CHD9: variants seen among roughly 807,000 people sequenced by gnomAD.
CHD9 encodes the protein ATP-dependent chromatin remodeler CHD9.
A neutral mutation model predicts 316.1 loss-of-function variants in CHD9; 77 were observed. The observed-to-expected ratio is 0.24, with a 90% confidence interval of 0.20 to 0.29. CHD9 has a LOEUF of 0.29. Among genes scored for constraint, CHD9 ranks in the 10% least tolerant of loss-of-function variants. CHD9 has a pLI of 1.00. For missense variants in CHD9, 2,763 were observed against 3,438.1 expected, an observed-to-expected ratio of 0.80 and a Z score of 4.91; for synonymous variants, 1,129 against 1,158.3, an observed-to-expected ratio of 0.97 and a Z score of 0.51.
At chr16:53,138,149 A>C (rs2152699856) in intron 1 of CHD9, among the ~76,000 whole-genome samples, 1 of 152,338 alleles carries the variant, frequency 6.6e-6, no homozygotes, top group East Asian at 1.9e-4. Context: ...TAGAGACTTA[A>C]GCTATTACTT....
chr16:53,242,872 A>G lies in CHD9; in HGVS notation c.2910A>G (p.Gln970=), dbSNP rs1236592561. 5.6e-6 allele frequency: 9 copies of G among 1,613,580 alleles called. No individual in the cohort carries two copies. The South Asian group carries it at 7.7e-5, about 14-fold the overall frequency. The change falls in exon 13 of 39, where the codon CAA becomes CAG. Residue 970 remains glutamine (Q), a synonymous_variant. Transcript: ENST00000447540. ...TCATTCGAGGAGCTTACAGATTCCA[A>G]GCCATCATCACCACTTTTGAAATGA... ...GRIIRGAYRF[Q]AIITTFEMIL...
At chr16:53,300,404 C>T (rs11865052) in intron 30 of CHD9, among the ~76,000 whole-genome samples, 47,210 of 148,554 alleles carry the variant, frequency 0.32, 7,496 homozygotes, top group Middle Eastern at 0.39. Context: ...CTGCTTCCAA[C>T]TGATGGATAC....
At chr16:53,091,806 T>C (rs2035966579) in intron 1 of CHD9, among the ~76,000 whole-genome samples, 2 of 152,092 alleles carry the variant, frequency 1.3e-5, no homozygotes, top group African/African-American at 4.8e-5. Context: ...CCATTTTCCC[T>C]CTCTCCTTCC....
At chr16:53,208,312 C>G (rs2152866702) in intron 2 of CHD9, 1 of 1,279,892 alleles carries the variant, frequency 7.8e-7, no homozygotes, top group Non-Finnish European at 1.0e-6. Flanking sequence ...TTGTCTGACG[C>G]CAAAAATGTC....
chr16:53,227,460 A>T lies in CHD9; in HGVS notation c.2108A>T (p.Lys703Met), dbSNP rs768590380. Reference protein sequence around the residue: ...DKILSSRTVKKEISPGVMIDT... With the variant: ...DKILSSRTVKMEISPGVMIDT... ...ATTCTATCTTCTAGAACCGTAAAAA[A>T]GGAAGTAAGTACTGGTACATTACAT... is the stretch of plus-strand genomic sequence containing the variant. Residue 703 changes from lysine to methionine, a missense_variant, in exon 6 of 39, where the codon AAG (lysine) becomes ATG (methionine). By Grantham distance (95) the Lys-to-Met change is moderately conservative. Coordinates refer to ENST00000447540, the MANE Select transcript of CHD9 (RefSeq NM_001308319.2). The T allele has an allele frequency of 7.7e-6, 12 of 1,554,688 alleles. No individual in the cohort carries two copies. The South Asian group carries it at 1.2e-4, about 16-fold the overall frequency.
chr16:53,175,514 CCTATTA>C (rs1048335633), intron 2 of CHD9, among the ~76,000 whole-genome samples: 2 of 152,092 alleles, frequency 1.3e-5, no homozygotes, highest in Non-Finnish European at 1.5e-5. Flanking sequence ...AAATCTGGTC[CCTATTA>C]CTCCATCTTG....
At chr16:53,227,338 G>A (rs919667766) in intron 5 of CHD9, 58 bp from the exon 6 acceptor site, 20 of 1,080,198 alleles carry the variant, frequency 1.9e-5, no homozygotes, top group Non-Finnish European at 2.6e-5. Flanking sequence ...ATACAAAGTG[G>A]CAACTAAAAG....
Position 53,263,084 on chromosome 16 carries a change from C to T in CHD9, c.4307C>T (p.Ala1436Val), listed in dbSNP as rs776921609. Residue 1436 changes from alanine to valine, a missense_variant, in exon 20 of 39, where the codon GCC becomes GTC. By Grantham distance (64) the Ala-to-Val change is moderately conservative. Around this residue, in one of 15 missense-constraint regions of CHD9, gnomAD observed 199 missense variants for 251.7 expected, o/e 0.79. Transcript: ENST00000447540. The part of the protein sequence containing the change: ...WAKKAEIDIE[A>V]ISGRNSLVID... Reference sequence around the variant, plus strand: ...AAAAAGGCAGAAATAGATATAGAGGCCATCAGTGGCAGAGTAAGTATTTTT... The same window carrying T: ...AAAAAGGCAGAAATAGATATAGAGGTCATCAGTGGCAGAGTAAGTATTTTT... 2 of 1,609,500 alleles carry T rather than the reference C, an allele frequency of 1.2e-6. No homozygotes were observed. Among genetic ancestry groups the T allele is most frequent in the African/African-American group, 1.3e-5 (1 of 74,762 alleles).
intron 3 of CHD9, among the ~76,000 whole-genome samples, chr16:53,212,595 A>G (rs567668642): frequency 1.4e-4 from 21 of 152,140 alleles, no homozygotes; most frequent in Non-Finnish European, 2.9e-4. Flanking sequence ...TCACTTTTAC[A>G]GATTAACTTT....
At chr16:53,223,251 CTTT>C (rs58315231) in intron 4 of CHD9, among the ~76,000 whole-genome samples, 4,808 of 138,946 alleles carry the variant, frequency 0.035, 80 homozygotes, top group Middle Eastern at 0.073. Flanking sequence ...TGCATTTTGC[CTTT>C]TTTTTTTTTT....
intron 2 of CHD9, among the ~76,000 whole-genome samples, chr16:53,174,093 G>A (rs1290702522): frequency 6.6e-6 from 1 of 151,774 alleles, no homozygotes; most frequent in Non-Finnish European, 1.5e-5. Flanking sequence ...ATTTAGCCTC[G>A]GCAACATGGC....
At chr16:53,068,571 G>A (rs1445192305) in intron 1 of CHD9, among the ~76,000 whole-genome samples, 1 of 152,162 alleles carries the variant, frequency 6.6e-6, no homozygotes. Context: ...AAGAGAGCCA[G>A]GCAAGAAGTC....
intron 10 of CHD9, among the ~76,000 whole-genome samples, chr16:53,233,386 C>G (rs1318677919): frequency 1.3e-5 from 2 of 152,286 alleles, no homozygotes; most frequent in East Asian, 3.9e-4. Flanking sequence ...GAGCTTCTGT[C>G]CCTGTAGAGT....
intron 2 of CHD9, among the ~76,000 whole-genome samples, chr16:53,172,631 T>C (rs1178108796): frequency 6.6e-6 from 1 of 152,194 alleles, no homozygotes; most frequent in African/African-American, 2.4e-5. Context: ...ACATTTCCTC[T>C]AACAGTGTCT....
At chr16:53,240,343 A>G (rs1029218401) in intron 12 of CHD9, among the ~76,000 whole-genome samples, 2 of 152,194 alleles carry the variant, frequency 1.3e-5, no homozygotes, top group African/African-American at 4.8e-5. Flanking sequence ...ATTTTTAACA[A>G]AGTTACAATT....
Position 53,209,493 on chromosome 16 carries a change from C to A in CHD9, c.1464C>A (p.Ser488=). Residue 488 remains serine (S), a synonymous_variant, in exon 3 of 39, where the codon TCC becomes TCA. Coordinates refer to ENST00000447540, the MANE Select transcript of CHD9 (RefSeq NM_001308319.2). ...TTTTGTTTCTGTAGCCTCCATCTTC[C>A]AAGAAGAGCGATGGTTCTGGGACAT... The part of the protein sequence containing the change: ...HLCLQRQPPS[S]KKSDGSGTYT... The A allele has an allele frequency of 6.3e-7, 1 of 1,598,834 alleles. No individual in the cohort carries two copies. The highest frequency in any genetic ancestry group is 1.1e-5 in the South Asian group (1 of 87,786).
chr16:53,300,500 A>G (rs985796069), intron 30 of CHD9, among the ~76,000 whole-genome samples: 1 of 152,262 alleles, frequency 6.6e-6, no homozygotes, highest in Non-Finnish European at 1.5e-5. Context: ...CTAAATAAGC[A>G]TGTAATCATA....
chr16:53,306,769 G>A (rs575966658), intron 32 of CHD9, among the ~76,000 whole-genome samples: 1 of 151,328 alleles, frequency 6.6e-6, no homozygotes, highest in South Asian at 2.1e-4. Flanking sequence ...GAAGAAGAAA[G>A]ATTGAATTAA....
At chr16:53,306,176 C>T in intron 31 of CHD9, 61 bp from the exon 32 acceptor site, 1 of 964,784 alleles carries the variant, frequency 1.0e-6, no homozygotes, top group South Asian at 3.8e-5. Flanking sequence ...ATGTAAAATC[C>T]TTATATATAA....
Sources: allele counts gnomAD v4.1 joint callset (sites outside exome capture counted in the v4.1 genomes callset), GRCh38; gene constraint gnomAD v4.1.1; regional missense constraint gnomAD v4.1.1; transcripts MANE v1.5; gene names NCBI Gene and HGNC (gene_info 2026-07-23, HGNC 2026-07-21).